Variants in ZNF44 observed in about 807,000 individuals in gnomAD.
The protein encoded by ZNF44 is gonadotropin inducible transcription repressor-2.
Under a neutral mutation model 11.7 loss-of-function variants are expected in ZNF44, and 9 were observed. The observed-to-expected ratio is 0.77, with a 90% CI of 0.46 to 1.35. The LOEUF is 1.35. Ranked by LOEUF, ZNF44 falls within the 40% of genes most tolerant of loss-of-function variation. The pLI, the probability that ZNF44 is intolerant of heterozygous loss-of-function variation, is 0.00. For missense variants in ZNF44, 696 were observed against 743.1 expected, an observed-to-expected ratio of 0.94 and a Z score of 0.74; for synonymous variants, 224 against 242.7, an observed-to-expected ratio of 0.92 and a Z score of 0.72.
At chr19:12,260,423 C>T (rs1917459293) in intron 5 of ZNF44, 1 of 1,442,296 alleles carries the variant, frequency 6.9e-7, no homozygotes, top group Non-Finnish European at 9.6e-7. Context: ...TCCTCAAGAA[C>T]AAGTACCGCC....
At position 12,252,152 on chromosome 19, in the gene ZNF44, TC is replaced by T. The variant is rs1917033257; in HGVS notation, c.1913-1785del. Among the ~76,000 whole-genome samples the T allele has an allele frequency of 2.6e-5, 4 of 152,176 alleles. No homozygotes were observed. The South Asian group carries it at 8.3e-4, about 32-fold the overall frequency. Reference sequence around the variant, plus strand: ...TGATTATAAAATGTATAAAAGGTTCTCAGCAGAGGTTTCCTCCAAAAGAACA... The same window carrying T: ...TGATTATAAAATGTATAAAAGGTTCTAGCAGAGGTTTCCTCCAAAAGAACA... On this transcript the variant is annotated intron_variant and NMD_transcript_variant, in intron 5 of 7. Transcript: ENST00000393337.
At chr19:12,283,824 G>A (rs1034241185) in intron 1 of ZNF44, among the ~76,000 whole-genome samples, 5 of 152,204 alleles carry the variant, frequency 3.3e-5, no homozygotes, top group East Asian at 3.9e-4. Context: ...AAACCAGCCC[G>A]GCAACATGGC....
intron 1 of ZNF44, among the ~76,000 whole-genome samples, chr19:12,288,266 T>A (rs527718763): frequency 1.4e-4 from 22 of 152,306 alleles, no homozygotes; most frequent in African/African-American, 5.1e-4. Flanking sequence ...GTTAAACAAG[T>A]TGCTTAAGGT....
At chr19:12,277,127 T>C (rs1486551021) in intron 1 of ZNF44, among the ~76,000 whole-genome samples, 1 of 152,260 alleles carries the variant, frequency 6.6e-6, no homozygotes, top group Admixed American at 6.5e-5. Flanking sequence ...GGGTCCCTAA[T>C]GTGCAACTCT....
In ZNF44 at chr19:12,273,114, G is replaced by A. The variant is rs567730246; in HGVS notation, c.1141C>T (p.Arg381Ter). ...GKLLSHRSSF[R>*]RHMMAHTGDG... ...CCAGTGTGTGCCATCATGTGTCTTC[G>A]AAAGCTTGAGCGATGAGATAACAAT... The change falls in exon 4 of 4, where the codon CGA becomes TGA. Residue 381 changes from arginine (R) to a stop codon, truncating the protein, a stop_gained. Transcript: ENST00000355684. LOFTEE classifies it low-confidence loss of function (END_TRUNC). 4.0e-5 allele frequency: 64 copies of A among 1,613,876 alleles called. No homozygotes were observed. The highest frequency in any genetic ancestry group is 9.3e-5 in the African/African-American group (7 of 75,020).
chr19:12,273,901 C>T lies in ZNF44; in HGVS notation c.354G>A (p.Leu118=). 6.2e-7 allele frequency: 1 copy of T among 1,614,170 alleles called. No homozygotes were observed. Among genetic ancestry groups the T allele is most frequent in the Non-Finnish European group, 8.5e-7 (1 of 1,180,032 alleles). ...NGEVIMGHSS[L]NCYIRVDTGH... Reference sequence around the variant, plus strand: ...CAGTATCAACTCTGATGTAGCAATTCAGGGATGAATGACCCATTATGACTT... The same window carrying T: ...CAGTATCAACTCTGATGTAGCAATTTAGGGATGAATGACCCATTATGACTT... The change falls in exon 4 of 4, where the codon CTG becomes CTA. Residue 118 remains leucine (L), a synonymous_variant. Coordinates refer to ENST00000355684, the MANE Select transcript of ZNF44 (RefSeq NM_016264.4).
chr19:12,242,222 T>C (rs62111274), upstream of ZNF44, among the ~76,000 whole-genome samples: 1,742 of 152,116 alleles, frequency 0.011, 17 homozygotes, highest in Middle Eastern at 0.034. Context: ...TAAAAAAAAT[T>C]AAAGGCCGGG....
chr19:12,259,382 A>T (rs571655781), intron 5 of ZNF44, among the ~76,000 whole-genome samples: 2 of 152,338 alleles, frequency 1.3e-5, no homozygotes, highest in East Asian at 3.9e-4. Context: ...TATTAATCCC[A>T]TGAAGGTTTA....
intron 2 of ZNF44, among the ~76,000 whole-genome samples, chr19:12,234,344 T>C (rs1916292364): frequency 6.6e-6 from 1 of 152,208 alleles, no homozygotes; most frequent in Non-Finnish European, 1.5e-5. Context: ...AAATTTTGTT[T>C]TAAAAATTGA....
intron 5 of ZNF44, chr19:12,266,334 G>A (rs1277000982): frequency 2.0e-6 from 2 of 985,398 alleles, no homozygotes; most frequent in Non-Finnish European, 2.4e-6. Context: ...GCCACAGCAG[G>A]GCAAATCGCG....
intron 5 of ZNF44, among the ~76,000 whole-genome samples, chr19:12,256,074 T>G (rs1917246838): frequency 8.1e-6 from 1 of 123,926 alleles, no homozygotes; most frequent in African/African-American, 3.0e-5. Context: ...ACAGCCTACA[T>G]AGTAAAGGAG....
intron 5 of ZNF44, among the ~76,000 whole-genome samples, chr19:12,252,090 T>C (rs765347744): frequency 6.7e-6 from 1 of 150,036 alleles, no homozygotes; most frequent in Non-Finnish European, 1.5e-5. Context: ...TACAATAAAG[T>C]GCATTAAAGT....
chr19:12,243,393 GTTT>G (rs1916684811), downstream of ZNF44, among the ~76,000 whole-genome samples: 1 of 152,124 alleles, frequency 6.6e-6, no homozygotes, highest in Admixed American at 6.5e-5. Context: ...CTGCCTCGGA[GTTT>G]AAGTTTTTAA....
intron 1 of ZNF44, among the ~76,000 whole-genome samples, chr19:12,277,540 A>G (rs1196149414): frequency 6.6e-6 from 1 of 152,232 alleles, no homozygotes; most frequent in Non-Finnish European, 1.5e-5. Flanking sequence ...CTCATCAAGA[A>G]AGTAGACAGC....
chr19:12,291,901 A>C (rs1257323353), intron 1 of ZNF44, among the ~76,000 whole-genome samples: 2 of 151,364 alleles, frequency 1.3e-5, no homozygotes, highest in African/African-American at 4.9e-5. Context: ...CTGAGGAAGG[A>C]GAATTGCTTG....
upstream of ZNF44, among the ~76,000 whole-genome samples, chr19:12,241,975 T>C (rs184155335): frequency 5.6e-4 from 86 of 152,276 alleles, no homozygotes; most frequent in Admixed American, 1.0e-3. Context: ...TCTACTTACA[T>C]GACGCACCTA....
At chr19:12,227,044 C>T (rs755047813) in intron 3 of ZNF44, among the ~76,000 whole-genome samples, 1 of 152,104 alleles carries the variant, frequency 6.6e-6, no homozygotes, top group Non-Finnish European at 1.5e-5. Context: ...GCTTGGGCTA[C>T]AGAGCAAGAC....
intron 1 of ZNF44, among the ~76,000 whole-genome samples, chr19:12,279,491 C>T (rs574197988): frequency 6.6e-6 from 1 of 151,846 alleles, no homozygotes; most frequent in South Asian, 2.1e-4. Flanking sequence ...CCCCCACCCC[C>T]AAAAAAACCC....
intron 5 of ZNF44, among the ~76,000 whole-genome samples, chr19:12,264,967 G>A (rs1048777591): frequency 6.6e-6 from 1 of 151,984 alleles, no homozygotes; most frequent in African/African-American, 2.4e-5. Context: ...CAAAATGCTG[G>A]GGTTACAGGC....
Sources: allele counts gnomAD v4.1 joint callset (sites outside exome capture counted in the v4.1 genomes callset), GRCh38; gene constraint gnomAD v4.1.1; transcripts MANE v1.5; gene names NCBI Gene and HGNC (gene_info 2026-07-23, HGNC 2026-07-21).